NEDD4L: variants seen among roughly 807,000 people sequenced by gnomAD.
NEDD4L encodes NEDD4 like E3 ubiquitin protein ligase.
NEDD4L carries 54 observed loss-of-function variants against 148.9 expected under a neutral mutation model. That is an observed-to-expected ratio of 0.36 (90% CI 0.29 to 0.45). NEDD4L has a LOEUF of 0.45. Ranked by LOEUF, NEDD4L falls within the 20% of genes least tolerant of loss-of-function variation. NEDD4L has a pLI of 1.00. For synonymous variants in NEDD4L, 433 were observed against 440.7 expected (o/e 0.98, Z 0.22); for missense variants, 856 against 1,233.8 (o/e 0.69, Z 4.59).
At chr18:58,075,254 A>C (rs539802135) in intron 1 of NEDD4L, among the ~76,000 whole-genome samples, 1 of 152,168 alleles carries the variant, frequency 6.6e-6, no homozygotes, top group Admixed American at 6.6e-5. Flanking sequence ...ATGTTCAAAC[A>C]GTTCTCCCGC....
At chr18:58,276,193 CG>C (rs1453581514) in intron 5 of NEDD4L, among the ~76,000 whole-genome samples, 2 of 72,376 alleles carry the variant, frequency 2.8e-5, no homozygotes, top group Non-Finnish European at 5.6e-5. Context: ...TTTTCTTTTT[CG>C]TTTTTTTTTT....
chr18:58,322,515 G>T (rs1056880284), intron 7 of NEDD4L, 29 bp downstream of exon 7: 8 of 678,188 alleles, frequency 1.2e-5, no homozygotes, highest in Non-Finnish European at 2.1e-5. Flanking sequence ...GGTGGGTGGG[G>T]ATGCCTGCCC....
intron 24 of NEDD4L, among the ~76,000 whole-genome samples, chr18:58,380,307 T>TATTTA (rs2048172443): frequency 6.7e-6 from 1 of 148,880 alleles, no homozygotes; most frequent in African/African-American, 2.5e-5. Flanking sequence ...TTTATTTATT[T>TATTTA]ATTTATTTAT....
rs926932340 is a variant in NEDD4L, at chr18:58,134,358, CTTTTTTTTTTTTTTTT to C, written c.49-31413_49-31398del. Among the ~76,000 whole-genome samples, 5 of 11,948 alleles carry C rather than the reference CTTTTTTTTTTTTTTTT, an allele frequency of 4.2e-4. 2 individuals are homozygous for C. The highest frequency in any genetic ancestry group is 6.4e-4 in the Non-Finnish European group (5 of 7,806). The allele number at this position is 11,948 out of a possible 152,430, so 7.8% of individuals were successfully genotyped here. A position where few individuals can be genotyped will look rare whatever the true frequency, so the allele number is the denominator to read the frequency against. ...CAAATCAGTTAAAGCAATTCCATTT[CTTTTTTTTTTTTTTTT>C]TTTTTTTTTTTTTTTTGAGACGGAG... On this transcript the variant is annotated intron_variant, in intron 1 of 30. Coordinates refer to ENST00000400345, the MANE Select transcript of NEDD4L (RefSeq NM_001144967.3).
intron 5 of NEDD4L, among the ~76,000 whole-genome samples, chr18:58,267,165 T>C (rs2050334585): frequency 6.6e-6 from 1 of 152,096 alleles, no homozygotes; most frequent in Non-Finnish European, 1.5e-5. Flanking sequence ...TGAAAAACTC[T>C]AGGGTTACAA....
chr18:58,366,249 A>T lies in NEDD4L; in HGVS notation c.2063+21A>T. The T allele has an allele frequency of 6.8e-7, 1 of 1,480,178 alleles. No individual in the cohort carries two copies. The highest frequency in any genetic ancestry group is 9.3e-7 in the Non-Finnish European group (1 of 1,080,482). The allele number at this position is 1,480,178 out of a possible 1,614,324, so 91.7% of individuals were successfully genotyped here. A position where few individuals can be genotyped will look rare whatever the true frequency, so the allele number is the denominator to read the frequency against. ...GCCACGTAAGTATATGGCCACACCC[A>T]GTGTGTGTCCCCCACTGAGACAGTT... On this transcript the variant is annotated intron_variant, in intron 21 of 30. Transcript: ENST00000400345. The surrounding 1 kb of genome is among the most constrained non-coding windows in gnomAD (Gnocchi z 4.2).
At position 58,328,991 on chromosome 18, in the gene NEDD4L, T is replaced by C; in HGVS notation, c.681-4T>C. On this transcript the variant is annotated splice_polypyrimidine_tract_variant and splice_region_variant and intron_variant, in intron 9 of 30. Coordinates refer to ENST00000400345, the MANE Select transcript of NEDD4L (RefSeq NM_001144967.3). ...TTCTCTTTCCCCCTTTCCTGCATGC[T>C]CAGGGACGTGTCCTCGGAGTCGGAC... 1 of 1,613,874 alleles carries C rather than the reference T, an allele frequency of 6.2e-7. No homozygotes were observed. The highest frequency in any genetic ancestry group is 8.5e-7 in the Non-Finnish European group (1 of 1,179,820).
chr18:58,238,822 A>G (rs1395220213), intron 2 of NEDD4L, among the ~76,000 whole-genome samples: 1 of 152,214 alleles, frequency 6.6e-6, no homozygotes, highest in Admixed American at 6.5e-5. Flanking sequence ...CCAGTAGTAG[A>G]GTATTAAATG....
intron 13 of NEDD4L, 181 bp downstream of exon 13, chr18:58,335,718 T>C (rs924187683): frequency 7.6e-6 from 4 of 527,476 alleles, no homozygotes; most frequent in Admixed American, 3.2e-5. Flanking sequence ...CTGGGTAAAA[T>C]AGAATGATTT....
intron 20 of NEDD4L, 52 bp downstream of exon 20, chr18:58,364,385 C>A: frequency 8.8e-7 from 1 of 1,132,300 alleles, no homozygotes; most frequent in Non-Finnish European, 1.3e-6. Flanking sequence ...TTGTAAGTTA[C>A]CACAGTCACT....
intron 18 of NEDD4L, among the ~76,000 whole-genome samples, chr18:58,351,474 G>A (rs1042191210): frequency 2.6e-5 from 4 of 152,184 alleles, no homozygotes; most frequent in East Asian, 1.9e-4. Flanking sequence ...CAGGATGCCC[G>A]CTCTGACCTT....
At chr18:58,120,728 C>T (rs1436751571) in intron 1 of NEDD4L, among the ~76,000 whole-genome samples, 1 of 152,080 alleles carries the variant, frequency 6.6e-6, no homozygotes, top group Non-Finnish European at 1.5e-5. Flanking sequence ...TGCGGTGAGC[C>T]GAGATCACGC....
chr18:58,200,398 T>C lies in NEDD4L; in HGVS notation c.122+34537T>C, dbSNP rs561423031. Among the ~76,000 whole-genome samples, 141 of 152,354 alleles carry C rather than the reference T, an allele frequency of 9.3e-4. 1 individual carries two copies. The highest frequency in any genetic ancestry group is 2.9e-5 in the Non-Finnish European group (2 of 68,034). On this transcript the variant is annotated intron_variant, in intron 2 of 30. Coordinates refer to ENST00000400345, the MANE Select transcript of NEDD4L (RefSeq NM_001144967.3). ...TGGACAATGGGACTTGTCCCATTTTTTTGCTGGGTGACAGCTATCACTGCC... is the reference window on the plus strand; with the variant it reads ...TGGACAATGGGACTTGTCCCATTTTCTTGCTGGGTGACAGCTATCACTGCC...
intron 5 of NEDD4L, among the ~76,000 whole-genome samples, chr18:58,284,886 G>C (rs1289698029): frequency 6.6e-6 from 1 of 152,184 alleles, no homozygotes; most frequent in Non-Finnish European, 1.5e-5. Flanking sequence ...CTGTGTGGTT[G>C]GGACAAGGCA....
intron 1 of NEDD4L, among the ~76,000 whole-genome samples, chr18:58,129,082 C>T (rs899470360): frequency 6.6e-6 from 1 of 152,210 alleles, no homozygotes; most frequent in Admixed American, 6.5e-5. Context: ...AAAAAAGCGG[C>T]CTGTGCTTTA....
chr18:58,288,949 A>G (rs1366164415), intron 5 of NEDD4L, among the ~76,000 whole-genome samples: 1 of 152,268 alleles, frequency 6.6e-6, no homozygotes, highest in East Asian at 1.9e-4. Flanking sequence ...ATGGAAGTAC[A>G]CAGACAAAAG....
intron 1 of NEDD4L, among the ~76,000 whole-genome samples, chr18:58,105,277 A>G (rs530484759): frequency 6.6e-6 from 1 of 152,282 alleles, no homozygotes; most frequent in South Asian, 2.1e-4. Flanking sequence ...ATGCTGTTTC[A>G]CTTGAGCTCA....
At position 58,366,039 on chromosome 18, in the gene NEDD4L, A is replaced by G. The variant is rs779651708; in HGVS notation, c.1874A>G (p.Asn625Ser). 1.2e-6 allele frequency: 2 copies of G among 1,612,904 alleles called. No homozygotes were observed. Among genetic ancestry groups the G allele is most frequent in the Non-Finnish European group, 1.7e-6 (2 of 1,179,420 alleles). ...AGGTTTGAAATGAAACTTCACAGAA[A>G]TAACATATTTGAAGAGTCCTATCGG... Reference protein sequence around the residue: ...PNRFEMKLHRNNIFEESYRRI... With the variant: ...PNRFEMKLHRSNIFEESYRRI... Residue 625 changes from asparagine (N) to serine (S), a missense_variant, in exon 21 of 31, where the codon AAT (asparagine) becomes AGT (serine). By Grantham distance (46) the Asn-to-Ser change is conservative. Transcript: ENST00000400345. This position sits in a 1 kb window ranked among gnomAD's most constrained non-coding sequence, Gnocchi z 4.2.
At chr18:58,097,311 C>A (rs959414223) in intron 1 of NEDD4L, among the ~76,000 whole-genome samples, 2 of 152,166 alleles carry the variant, frequency 1.3e-5, no homozygotes, top group African/African-American at 2.4e-5. Context: ...TTTGCCCAGG[C>A]CATAGTTCGC....
Sources: allele counts gnomAD v4.1 joint callset (sites outside exome capture counted in the v4.1 genomes callset), GRCh38; gene constraint gnomAD v4.1.1; non-coding constraint Gnocchi (gnomAD v3.1); transcripts MANE v1.5; gene names NCBI Gene and HGNC (gene_info 2026-07-23, HGNC 2026-07-21).